Variants in STXBP6 observed in about 807,000 individuals in gnomAD.
STXBP6 encodes syntaxin-binding protein 6.
Under a neutral mutation model 26.9 loss-of-function variants are expected in STXBP6, and 21 were observed. The observed-to-expected ratio is 0.78, with a 90% CI of 0.55 to 1.12. STXBP6 has a LOEUF of 1.12. Among genes scored for constraint, STXBP6 ranks in the 50% most tolerant of loss-of-function variants. STXBP6 has a pLI of 0.00. For synonymous variants in STXBP6, 97 were observed against 92.6 expected, an observed-to-expected ratio of 1.05 and a Z score of -0.27; for missense variants, 232 against 257.9, an observed-to-expected ratio of 0.90 and a Z score of 0.69.
intron 2 of STXBP6, among the ~76,000 whole-genome samples, chr14:24,866,394 CAT>C (rs2069722904): frequency 6.6e-6 from 1 of 151,872 alleles, no homozygotes; most frequent in Non-Finnish European, 1.5e-5. Context: ...TATATATGTA[CAT>C]ATGTGTGTAT....
intron 1 of STXBP6, among the ~76,000 whole-genome samples, chr14:25,037,405 A>G (rs1335910399): frequency 2.0e-5 from 3 of 152,084 alleles, no homozygotes. Flanking sequence ...CTTTTAAATC[A>G]TGTTCTCTTT....
chr14:24,974,710 C>T lies in STXBP6; in HGVS notation c.109G>A (p.Ala37Thr), dbSNP rs1356438195. The T allele has an allele frequency of 2.5e-6, 4 of 1,569,788 alleles. No individual in the cohort carries two copies. Among genetic ancestry groups the T allele is most frequent in the Non-Finnish European group, 3.5e-6 (4 of 1,154,526 alleles). The change falls in exon 2 of 6, where the codon GCA becomes ACA. Residue 37 changes from alanine to threonine, a missense_variant. Transcript: ENST00000323944. ...RRTKKKIPFLATGGQGEYLTY... is the reference protein window; with the variant it reads ...RRTKKKIPFLTTGGQGEYLTY... ...AAATATTCGCCTTGACCTCCAGTTG[C>T]CAAGAAAGGAATCTTTTTCTTTGTC... is the stretch of plus-strand genomic sequence containing the variant.
chr14:25,049,542 G>A lies in STXBP6; in HGVS notation c.-33+336C>T, dbSNP rs1236202648. The stretch of plus-strand genomic sequence containing the variant: ...GCCCATGCCATCGCGGGGACGGTGC[G>A]GAAAAAAAGGCTCCATCCTCAACTT... On this transcript the variant is annotated intron_variant, in intron 1 of 5. Transcript: ENST00000323944. This position sits in a 1 kb window ranked among gnomAD's most constrained non-coding sequence, Gnocchi z 5.6. 2 of 985,300 alleles carry A rather than the reference G, an allele frequency of 2.0e-6. No individual in the cohort carries two copies. Among genetic ancestry groups the A allele is most frequent in the Non-Finnish European group, 2.4e-6 (2 of 830,010 alleles). The allele number at this position is 985,300 out of a possible 1,614,324, so 61.0% of individuals were successfully genotyped here. A position where few individuals can be genotyped will look rare whatever the true frequency, so the allele number is the denominator to read the frequency against.
At chr14:25,034,872 C>T (rs571395785) in intron 1 of STXBP6, among the ~76,000 whole-genome samples, 3 of 152,188 alleles carry the variant, frequency 2.0e-5, no homozygotes, top group East Asian at 3.9e-4. Context: ...ACTTCTTGGC[C>T]GGGTGTGGTG....
chr14:24,901,807 G>T (rs2071222982), intron 2 of STXBP6, among the ~76,000 whole-genome samples: 1 of 89,564 alleles, frequency 1.1e-5, no homozygotes, highest in African/African-American at 3.5e-5. Context: ...TCAAGAACAG[G>T]CATAACTATG....
chr14:24,982,507 C>A (rs543844083), intron 1 of STXBP6, among the ~76,000 whole-genome samples: 2 of 152,342 alleles, frequency 1.3e-5, no homozygotes, highest in Non-Finnish European at 2.9e-5. Context: ...CACAACCGTA[C>A]ACAACAGCCC....
intron 4 of STXBP6, among the ~76,000 whole-genome samples, chr14:24,821,442 T>C (rs1449532898): frequency 6.6e-6 from 1 of 152,200 alleles, no homozygotes; most frequent in African/African-American, 2.4e-5. Context: ...CAGTTTTATA[T>C]GATACTGTTT....
At chr14:24,816,210 A>G (rs1161224987) in intron 5 of STXBP6, 1 of 152,104 alleles carries the variant, frequency 6.6e-6, no homozygotes, top group East Asian at 1.9e-4. Context: ...ACTTGTAAGC[A>G]CAGCTTACTC....
At chr14:24,822,874 C>A (rs559566793) in intron 4 of STXBP6, among the ~76,000 whole-genome samples, 3 of 152,056 alleles carry the variant, frequency 2.0e-5, no homozygotes, top group Non-Finnish European at 4.4e-5. Context: ...GAGTTTCACA[C>A]GTATTTATTA....
chr14:24,894,739 C>T (rs907592283), intron 2 of STXBP6, among the ~76,000 whole-genome samples: 7 of 152,218 alleles, frequency 4.6e-5, no homozygotes, highest in Admixed American at 3.3e-4. Context: ...GAATACCCCT[C>T]TCTACCAGCC....
chr14:24,923,820 T>C (rs2072067501), intron 2 of STXBP6, among the ~76,000 whole-genome samples: 1 of 152,178 alleles, frequency 6.6e-6, no homozygotes, highest in Admixed American at 6.5e-5. Context: ...TCTATTCCCT[T>C]TTCAGTTACA....
intron 1 of STXBP6, among the ~76,000 whole-genome samples, chr14:25,031,598 T>G (rs2075456076): frequency 6.6e-6 from 1 of 152,200 alleles, no homozygotes; most frequent in African/African-American, 2.4e-5. Flanking sequence ...GATAATAAAT[T>G]GGCTTTAATC....
At chr14:24,983,009 C>T (rs575762014) in intron 1 of STXBP6, among the ~76,000 whole-genome samples, 20 of 152,260 alleles carry the variant, frequency 1.3e-4, no homozygotes, top group African/African-American at 4.6e-4. Context: ...ATAGGAACTC[C>T]ACATTCACAA....
At chr14:24,979,983 T>C (rs907551778) in intron 1 of STXBP6, among the ~76,000 whole-genome samples, 2 of 152,208 alleles carry the variant, frequency 1.3e-5, no homozygotes, top group East Asian at 1.9e-4. Flanking sequence ...GCCTCAGCTA[T>C]TGACAAAGAA....
At chr14:25,036,284 A>T (rs534987944) in intron 1 of STXBP6, among the ~76,000 whole-genome samples, 1 of 151,740 alleles carries the variant, frequency 6.6e-6, no homozygotes, top group South Asian at 2.1e-4. Context: ...CAGCTTATAG[A>T]TAATATTCCC....
At chr14:24,877,581 G>GA (rs752931984) in intron 2 of STXBP6, among the ~76,000 whole-genome samples, 8 of 151,682 alleles carry the variant, frequency 5.3e-5, no homozygotes, top group African/African-American at 1.7e-4. Context: ...AAGATTCGTG[G>GA]AAAAAATCTA....
intron 2 of STXBP6, among the ~76,000 whole-genome samples, chr14:24,880,885 A>G (rs995471680): frequency 1.1e-4 from 16 of 152,208 alleles, no homozygotes; most frequent in Non-Finnish European, 2.2e-4. Flanking sequence ...CCAATCTCTG[A>G]AAGGTCAGAT....
intron 1 of STXBP6, among the ~76,000 whole-genome samples, chr14:25,048,414 G>C (rs2075757248): frequency 6.6e-6 from 1 of 152,156 alleles, no homozygotes; most frequent in South Asian, 2.1e-4. Context: ...GCTGAAACTT[G>C]ACCTCAAGTC....
At chr14:24,937,893 C>G (rs1358176045) in intron 2 of STXBP6, among the ~76,000 whole-genome samples, 1 of 152,154 alleles carries the variant, frequency 6.6e-6, no homozygotes. Context: ...TATTTTGCTC[C>G]CAGTATTCTG....
Sources: allele counts gnomAD v4.1 joint callset (sites outside exome capture counted in the v4.1 genomes callset), GRCh38; gene constraint gnomAD v4.1.1; non-coding constraint Gnocchi (gnomAD v3.1); transcripts MANE v1.5; gene names NCBI Gene and HGNC (gene_info 2026-07-23, HGNC 2026-07-21).